The following SAG variants were observed in gnomAD, a reference collection of about 807,000 sequenced individuals.
The protein encoded by SAG is S-arrestin.
SAG carries 45 observed loss-of-function variants against 55.0 expected under a neutral mutation model. The ratio of observed to expected loss-of-function variants is 0.82; its 90% CI spans 0.64 to 1.05. SAG has a LOEUF of 1.05. Among genes scored for constraint, SAG ranks in the 50% least tolerant of loss-of-function variants. The pLI is 0.00. For missense variants in SAG, 455 were observed against 512.1 expected (o/e 0.89, Z 1.08); for synonymous variants, 189 against 197.4 (o/e 0.96, Z 0.36).
At chr2:233,313,937 C>T (rs1002115215) in intron 2 of SAG, among the ~76,000 whole-genome samples, 10 of 151,494 alleles carry the variant, frequency 6.6e-5, no homozygotes, top group Non-Finnish European at 1.5e-5. Context: ...CAAGAAATAG[C>T]CAGGTACAGT....
At chr2:233,338,532 T>G in intron 11 of SAG, 144 bp from the exon 12 acceptor site, 1 of 706,862 alleles carries the variant, frequency 1.4e-6, no homozygotes, top group Middle Eastern at 4.0e-4. Flanking sequence ...TACATGAACT[T>G]CTAGGACTTT....
chr2:233,320,931 G>A, intron 5 of SAG, 108 bp downstream of exon 5: 1 of 926,174 alleles, frequency 1.1e-6, no homozygotes, highest in African/African-American at 1.7e-5. Context: ...CTGCAGGCCT[G>A]GAAATTGCAC....
Position 233,337,158 on chromosome 2 carries a change from C to T in SAG, c.945-1518C>T, listed in dbSNP as rs540795109. ...TCTCAAGCTTGTACCCCTTTTTTCC[C>T]TTTGGAGGTATCCTCTCTTCACCAG... On this transcript the variant is annotated intron_variant, in intron 11 of 15. Transcript: ENST00000409110. 2.6e-5 allele frequency among the ~76,000 whole-genome samples: 4 copies of T among 151,724 alleles called. No homozygotes were observed. In the East Asian group the frequency reaches 5.8e-4, roughly 22 times the overall value.
intron 3 of SAG, among the ~76,000 whole-genome samples, chr2:233,316,355 G>A (rs747072274): frequency 4.6e-5 from 7 of 150,794 alleles, no homozygotes; most frequent in Admixed American, 6.6e-5. Flanking sequence ...CTTGTTGGCC[G>A]GGCTGGAGTG....
At chr2:233,342,515 T>C (rs1219394036) in intron 14 of SAG, 189 bp downstream of exon 14, 12 of 604,126 alleles carry the variant, frequency 2.0e-5, no homozygotes, top group Admixed American at 1.7e-4. Flanking sequence ...CTGAGCCGGG[T>C]AGATTATCCA....
At chr2:233,333,518 C>G (rs1700831932) in intron 10 of SAG, 1 of 152,298 alleles carries the variant, frequency 6.6e-6, no homozygotes, top group South Asian at 2.1e-4. Flanking sequence ...ACTCAGAAAG[C>G]TGCAGAGCAG....
rs150595653 is a variant in SAG at position 233,346,698 on chromosome 2, A to G, written c.1113-109A>G. ...AAATGGCGTGCCCCCATGTTCTATCATGGGGAAAACCTTGATCAGTTCCTT... is the reference window on the plus strand; with the variant it reads ...AAATGGCGTGCCCCCATGTTCTATCGTGGGGAAAACCTTGATCAGTTCCTT... On this transcript the variant is annotated intron_variant, in intron 15 of 15. Transcript: ENST00000409110. 406 of 838,522 alleles carry G rather than the reference A, an allele frequency of 4.8e-4. 1 individual carries two copies. The African/African-American group carries it at 6.1e-3, about 13-fold the overall frequency. The allele number at this position is 838,522 out of a possible 1,614,324, so 51.9% of individuals were successfully genotyped here.
chr2:233,330,457 C>A (rs1700712831), intron 9 of SAG, among the ~76,000 whole-genome samples: 1 of 151,564 alleles, frequency 6.6e-6, no homozygotes, highest in Admixed American at 6.6e-5. Context: ...CTAAGGAATT[C>A]TAGACTTTTC....
chr2:233,333,133 T>A (rs1014729330), intron 10 of SAG: 1 of 152,218 alleles, frequency 6.6e-6, no homozygotes, highest in South Asian at 2.1e-4. Context: ...TAGGAGAAAC[T>A]ATTACTGTTA....
intron 3 of SAG, among the ~76,000 whole-genome samples, chr2:233,317,319 C>G (rs1333421593): frequency 6.6e-6 from 1 of 152,192 alleles, no homozygotes; most frequent in South Asian, 2.1e-4. Context: ...CGGAAAGAAC[C>G]AAAATGTTTC....
chr2:233,319,900 C>T lies in SAG; in HGVS notation c.182-730C>T, dbSNP rs571575534. 20 of 985,676 alleles carry T rather than the reference C, an allele frequency of 2.0e-5. No individual in the cohort carries two copies. In the East Asian group the frequency reaches 6.8e-4, roughly 34 times the overall value. The allele number at this position is 985,676 out of a possible 1,614,324, so 61.1% of individuals were successfully genotyped here. ...TGCAGGCAAAATTCTCAACCAACAG[C>T]TACCACGCACTTGGCGGGGCCGCCT... On this transcript the variant is annotated intron_variant, in intron 4 of 15. Coordinates refer to ENST00000409110, the MANE Select transcript of SAG (RefSeq NM_000541.5). This position sits in a 1 kb window ranked among gnomAD's most constrained non-coding sequence, Gnocchi z 4.4.
chr2:233,326,178 G>A (rs936610409), intron 6 of SAG, among the ~76,000 whole-genome samples: 1 of 152,170 alleles, frequency 6.6e-6, no homozygotes, highest in Admixed American at 6.5e-5. Context: ...ACTGGGAATC[G>A]GGGGAAGGTC....
At chr2:233,317,018 C>T (rs191960935) in intron 3 of SAG, among the ~76,000 whole-genome samples, 10 of 152,302 alleles carry the variant, frequency 6.6e-5, no homozygotes, top group Admixed American at 5.2e-4. Context: ...TGTGCCACCA[C>T]GCCTGGCTAA....
rs199798289 is a variant in SAG at position 233,346,861 on chromosome 2, T to A, written c.1167T>A (p.Asp389Glu). 166 of 1,613,198 alleles carry A rather than the reference T, an allele frequency of 1.0e-4. No homozygotes were observed. In the East Asian group the frequency reaches 1.2e-3, roughly 11 times the overall value. ...FEEFARHNLKDAGEAEEGKRD... is the reference protein window; with the variant it reads ...FEEFARHNLKEAGEAEEGKRD... ...AGTTTGCTCGCCATAATCTGAAAGA[T>A]GCAGGAGAAGCTGAGGAGGGGAAGA... The change falls in exon 16 of 16, where the codon GAT (aspartate) becomes GAA (glutamate). Residue 389 changes from aspartate to glutamate, a missense_variant. Transcript: ENST00000409110.
intron 14 of SAG, chr2:233,342,535 G>A (rs1701135844): frequency 1.7e-6 from 1 of 587,100 alleles, no homozygotes; most frequent in Non-Finnish European, 3.1e-6. Context: ...ACCTTCAGCT[G>A]GAGTCTGCAA....
intron 2 of SAG, among the ~76,000 whole-genome samples, chr2:233,314,506 G>T (rs770661103): frequency 6.6e-6 from 1 of 152,142 alleles, no homozygotes; most frequent in Non-Finnish European, 1.5e-5. Context: ...GGTCAGCCCC[G>T]CAGGGTGGAT....
intron 11 of SAG, among the ~76,000 whole-genome samples, chr2:233,337,264 G>A (rs1700964453): frequency 6.6e-6 from 1 of 151,848 alleles, no homozygotes. Context: ...TTTGAGATAA[G>A]GTCTCAGTCT....
chr2:233,316,492 G>A (rs954302461), intron 3 of SAG, among the ~76,000 whole-genome samples: 1 of 151,878 alleles, frequency 6.6e-6, no homozygotes, highest in African/African-American at 2.4e-5. Flanking sequence ...TGTATTTTTA[G>A]TAGAGATGGG....
intron 3 of SAG, 55 bp from the exon 4 acceptor site, chr2:233,318,696 G>T: frequency 6.9e-7 from 1 of 1,447,042 alleles, no homozygotes; most frequent in African/African-American, 1.4e-5. Flanking sequence ...TAAAGTAGGT[G>T]TCTGGTTTCT....
Sources: allele counts gnomAD v4.1 joint callset (sites outside exome capture counted in the v4.1 genomes callset), GRCh38; gene constraint gnomAD v4.1.1; non-coding constraint Gnocchi (gnomAD v3.1); transcripts MANE v1.5; gene names NCBI Gene and HGNC (gene_info 2026-07-23, HGNC 2026-07-21).